Variants in SLC41A3 observed in about 807,000 individuals in gnomAD.
The protein encoded by SLC41A3 is solute carrier family 41 member 3, also known as SLC41A1-like 2.
In SLC41A3, 44 loss-of-function variants were observed where a neutral mutation model predicts 45.4. The observed-to-expected ratio is 0.97, with a 90% CI of 0.76 to 1.25. SLC41A3 has a LOEUF of 1.25. Ranked by LOEUF, SLC41A3 falls within the 50% of genes most tolerant of loss-of-function variation. The pLI, the probability that SLC41A3 is intolerant of heterozygous loss-of-function variation, is 0.00. For synonymous variants in SLC41A3, 256 were observed against 252.4 expected (o/e 1.01, Z -0.13); for missense variants, 550 against 600.6 (o/e 0.92, Z 0.88).
Position 126,006,827 on chromosome 3 carries a change from G to T in SLC41A3, c.*189C>A. 1 of 1,451,132 alleles carries T rather than the reference G, an allele frequency of 6.9e-7. No homozygotes were observed. The highest frequency in any genetic ancestry group is 1.5e-5 in the South Asian group (1 of 68,224). The allele number at this position is 1,451,132 out of a possible 1,614,324, so 89.9% of individuals were successfully genotyped here. ...CTCAAGCCATGCTCTTGATTTCAGG[G>T]CTCTATTGCAGGCTCAGGTATCAAC... On this transcript the variant is annotated 3_prime_UTR_variant, in exon 11 of 11. Transcript: ENST00000360370.
chr3:126,065,762 A>C (rs889004425), intron 2 of SLC41A3, among the ~76,000 whole-genome samples: 6 of 152,240 alleles, frequency 3.9e-5, no homozygotes, highest in African/African-American at 1.4e-4. Flanking sequence ...TCAAAAGATA[A>C]ATGGAAAAAA....
At chr3:126,081,918 C>T (rs11717532) in intron 1 of SLC41A3, among the ~76,000 whole-genome samples, 8,537 of 152,340 alleles carry the variant, frequency 0.056, 282 homozygotes, top group Middle Eastern at 0.092. Context: ...AGCCCTGATC[C>T]GTGATTCATG....
chr3:126,046,318 C>T (rs935231986), intron 3 of SLC41A3, among the ~76,000 whole-genome samples: 6 of 151,512 alleles, frequency 4.0e-5, no homozygotes, highest in African/African-American at 1.5e-4. Flanking sequence ...CCTCTGTTTG[C>T]AGATAATGTA....
intron 1 of SLC41A3, among the ~76,000 whole-genome samples, chr3:126,079,477 C>A (rs1186038343): frequency 1.3e-5 from 2 of 152,114 alleles, no homozygotes; most frequent in African/African-American, 4.8e-5. Flanking sequence ...GAATGAAGAA[C>A]TCCTACAGAG....
intron 7 of SLC41A3, among the ~76,000 whole-genome samples, chr3:126,016,119 C>T (rs751192461): frequency 6.6e-6 from 1 of 152,248 alleles, no homozygotes; most frequent in Non-Finnish European, 1.5e-5. Context: ...GCCTCTTCTC[C>T]CCAAGACTCA....
At chr3:126,076,935 C>T (rs1000522615) in intron 1 of SLC41A3, among the ~76,000 whole-genome samples, 2 of 152,212 alleles carry the variant, frequency 1.3e-5, no homozygotes, top group African/African-American at 4.8e-5. Context: ...GAAAACTGAA[C>T]TGTATGACTG....
chr3:126,010,651 T>C (rs550383080), intron 9 of SLC41A3, among the ~76,000 whole-genome samples: 11 of 152,302 alleles, frequency 7.2e-5, no homozygotes, highest in Admixed American at 1.3e-4. Flanking sequence ...ACCACCATCA[T>C]CTCCTGTGGC....
chr3:126,016,051 A>C (rs903090870), intron 7 of SLC41A3, among the ~76,000 whole-genome samples: 2 of 152,216 alleles, frequency 1.3e-5, no homozygotes, highest in Non-Finnish European at 1.5e-5. Flanking sequence ...TGGAGAAGCT[A>C]GGTCAATCTG....
intron 6 of SLC41A3, among the ~76,000 whole-genome samples, chr3:126,018,806 C>A (rs1184402002): frequency 1.3e-5 from 2 of 152,232 alleles, no homozygotes; most frequent in African/African-American, 4.8e-5. Flanking sequence ...AAGTTAACAA[C>A]CCATATAAAT....
intron 9 of SLC41A3, 29 bp downstream of exon 9, chr3:126,012,586 T>A: frequency 6.2e-7 from 1 of 1,612,428 alleles, no homozygotes; most frequent in South Asian, 1.1e-5. Context: ...GAAATGGCTA[T>A]CATGGCCTCT....
At chr3:126,031,746 T>G (rs1941809994) in intron 4 of SLC41A3, among the ~76,000 whole-genome samples, 1 of 152,180 alleles carries the variant, frequency 6.6e-6, no homozygotes. Flanking sequence ...CACATCCATA[T>G]GGACAAAGAT....
At chr3:126,059,287 A>AGAGAGAGAGAGAAAG (rs1476177763) in intron 2 of SLC41A3, among the ~76,000 whole-genome samples, 1 of 127,270 alleles carries the variant, frequency 7.9e-6, no homozygotes, top group African/African-American at 2.9e-5. Flanking sequence ...AGAAAGAAAG[A>AGAGAGAGAGAGAAAG]AAGAAAGAAA....
At chr3:126,041,191 AG>A (rs1014224260) in intron 3 of SLC41A3, among the ~76,000 whole-genome samples, 2 of 152,086 alleles carry the variant, frequency 1.3e-5, no homozygotes, top group Non-Finnish European at 2.9e-5. Context: ...GCAGAAATGT[AG>A]GGAGTATGAA....
At chr3:126,059,137 A>G in intron 2 of SLC41A3, among the ~76,000 whole-genome samples, 1 of 150,914 alleles carries the variant, frequency 6.6e-6, no homozygotes, top group Non-Finnish European at 1.5e-5. Context: ...TCCACAGATC[A>G]GTACTTAGGG....
intron 2 of SLC41A3, among the ~76,000 whole-genome samples, chr3:126,063,626 GAC>G (rs1944184991): frequency 6.6e-6 from 1 of 152,146 alleles, no homozygotes; most frequent in African/African-American, 2.4e-5. Context: ...CTGCCTCACT[GAC>G]ACACAAAACA....
chr3:126,077,646 A>T (rs888240276), intron 1 of SLC41A3, among the ~76,000 whole-genome samples: 5 of 152,226 alleles, frequency 3.3e-5, no homozygotes, highest in African/African-American at 1.2e-4. Flanking sequence ...CAGGTAAGGA[A>T]TGAGGTGGTA....
chr3:126,020,759 T>C (rs1359375402), intron 6 of SLC41A3, among the ~76,000 whole-genome samples: 1 of 152,200 alleles, frequency 6.6e-6, no homozygotes, highest in African/African-American at 2.4e-5. Context: ...ACCTGAAGGC[T>C]TCCTCTCTGC....
chr3:126,050,616 G>A (rs1943264581), intron 3 of SLC41A3, among the ~76,000 whole-genome samples: 1 of 152,198 alleles, frequency 6.6e-6, no homozygotes, highest in Admixed American at 6.5e-5. Flanking sequence ...GTGAACGTGT[G>A]ATGGGGCTGA....
intron 6 of SLC41A3, among the ~76,000 whole-genome samples, chr3:126,021,174 G>A (rs1032992770): frequency 2.6e-5 from 4 of 152,162 alleles, no homozygotes; most frequent in Non-Finnish European, 4.4e-5. Context: ...GATTACAGGC[G>A]TGAGCCACCG....
Sources: gnomAD v4.1 joint callset for allele counts (sites outside exome capture counted in the v4.1 genomes callset) on GRCh38, gnomAD v4.1.1 for gene constraint, MANE v1.5 for transcripts, NCBI Gene and HGNC (gene_info 2026-07-23, HGNC 2026-07-21) for gene names.